RHOF: variants seen among roughly 807,000 people sequenced by gnomAD.
RHOF encodes rho-related GTP-binding protein RhoF.
A neutral mutation model predicts 22.2 loss-of-function variants in RHOF; 21 were observed. The ratio of observed to expected loss-of-function variants is 0.95; its 90% CI spans 0.67 to 1.36. RHOF has a LOEUF of 1.36. RHOF is among the 40% of genes most tolerant of loss of function. The pLI is 0.00. For synonymous variants in RHOF, 135 were observed against 131.2 expected (o/e 1.03, Z -0.20); for missense variants, 285 against 293.7 (o/e 0.97, Z 0.22).
In RHOF at chr12:121,779,476, C is replaced by T. The variant is rs749658309; in HGVS notation, c.*22G>A. ...GGCCCCCGGGCCCTGTCAGTGCTGTCGTGAGGTCTGTCTGCCCTGGGTCAG... is the reference window on the plus strand; with the variant it reads ...GGCCCCCGGGCCCTGTCAGTGCTGTTGTGAGGTCTGTCTGCCCTGGGTCAG... On this transcript the variant is annotated 3_prime_UTR_variant, in exon 5 of 5. Coordinates refer to ENST00000267205, the MANE Select transcript of RHOF (RefSeq NM_019034.3). 27 of 1,608,304 alleles carry T rather than the reference C, an allele frequency of 1.7e-5. No individual in the cohort carries two copies. The highest frequency in any genetic ancestry group is 8.0e-5 in the African/African-American group (6 of 74,928).
chr12:121,786,246 GC>G (rs1165608476), intron 2 of RHOF, among the ~76,000 whole-genome samples: 1 of 151,826 alleles, frequency 6.6e-6, no homozygotes, highest in East Asian at 1.9e-4. Context: ...AGTAGAGACG[GC>G]GTTTCACCAT....
At chr12:121,779,800 G>T in intron 4 of RHOF, 138 bp from the exon 5 acceptor site, 1 of 877,904 alleles carries the variant, frequency 1.1e-6, no homozygotes, top group Non-Finnish European at 1.7e-6. Flanking sequence ...CCTCCATCCT[G>T]GCTGCCCCTC....
intron 2 of RHOF, among the ~76,000 whole-genome samples, chr12:121,786,314 C>T (rs574106152): frequency 3.9e-4 from 59 of 152,266 alleles, no homozygotes; most frequent in African/African-American, 1.3e-3. Context: ...CCTCGGCCTC[C>T]CAAAGTGCTG....
chr12:121,792,492 G>T (rs1476424167), intron 2 of RHOF, among the ~76,000 whole-genome samples: 2 of 152,238 alleles, frequency 1.3e-5, no homozygotes, highest in African/African-American at 2.4e-5. Flanking sequence ...TGGGGCCCCT[G>T]CCCCCAGTGC....
intron 1 of RHOF, 111 bp downstream of exon 1, chr12:121,793,385 G>A: frequency 4.8e-6 from 7 of 1,464,014 alleles, no homozygotes; most frequent in Non-Finnish European, 6.5e-6. Context: ...GGGCGCCCCG[G>A]GGTGGCGGCC....
rs1874410191 is a variant in RHOF, at chr12:121,780,503, A to G, written c.471+369T>C. The G allele has an allele frequency of 7.8e-6, 3 of 384,390 alleles. No individual in the cohort carries two copies. The South Asian group carries it at 2.4e-4, about 31-fold the overall frequency. 23.8% of individuals were successfully genotyped at this position (384,390 alleles called of 1,614,324 possible). A position where few individuals can be genotyped will look rare whatever the true frequency, so the allele number is the denominator to read the frequency against. Reference sequence around the variant, plus strand: ...GGGGACGCCTACTTTCAAACAAGGCAGACAGGACACGACAGGACGGCGGCT... The same window carrying G: ...GGGGACGCCTACTTTCAAACAAGGCGGACAGGACACGACAGGACGGCGGCT... On this transcript the variant is annotated intron_variant, in intron 4 of 4. Coordinates refer to ENST00000267205, the MANE Select transcript of RHOF (RefSeq NM_019034.3).
intron 2 of RHOF, among the ~76,000 whole-genome samples, chr12:121,786,811 T>C (rs1057249969): frequency 1.3e-5 from 2 of 151,942 alleles, no homozygotes; most frequent in South Asian, 4.2e-4. Flanking sequence ...CTGAGGCAGG[T>C]GGATCACTTG....
At chr12:121,784,367 A>G (rs1282081181) in intron 2 of RHOF, among the ~76,000 whole-genome samples, 1 of 151,694 alleles carries the variant, frequency 6.6e-6, no homozygotes, top group Non-Finnish European at 1.5e-5. Context: ...CAAGATGGTG[A>G]GACCCCGTCT....
At chr12:121,779,938 T>G in intron 4 of RHOF, 1 of 336,802 alleles carries the variant, frequency 3.0e-6, no homozygotes, top group East Asian at 4.1e-5. Context: ...AGACCCGGGG[T>G]TGGTTCCCCC....
chr12:121,781,292 C>T lies in RHOF; in HGVS notation c.227-100G>A, dbSNP rs1014658700. ...CCAGGCAAGTGACCCTGCCTTAGGG[C>T]CTCAATTTCCTCATCTATACAATGG... On this transcript the variant is annotated intron_variant, in intron 2 of 4. Coordinates refer to ENST00000267205, the MANE Select transcript of RHOF (RefSeq NM_019034.3). 10 of 956,446 alleles carry T rather than the reference C, an allele frequency of 1.0e-5. No individual in the cohort carries two copies. In the South Asian group the frequency reaches 1.4e-4, roughly 13 times the overall value. 59.2% of individuals were successfully genotyped at this position (956,446 alleles called of 1,614,324 possible).
At chr12:121,792,103 G>C (rs547137376) in intron 2 of RHOF, among the ~76,000 whole-genome samples, 1 of 132,190 alleles carries the variant, frequency 7.6e-6, no homozygotes, top group Non-Finnish European at 1.5e-5. Context: ...CGGAATGGAG[G>C]GGGGCTCTGA....
Position 121,793,553 on chromosome 12 carries a change from G to A in RHOF, c.81C>T (p.Asp27=), listed in dbSNP as rs1472901136. The part of the protein sequence containing the change: ...RKELKIVIVG[D]GGCGKTSLLM... ...GCAGCGAGGTCTTGCCGCAGCCGCC[G>A]TCGCCCACGATCACGATCTTCAGCT... Residue 27 remains aspartate, a synonymous_variant, in exon 1 of 5, where the codon GAC becomes GAT. Coordinates refer to ENST00000267205, the MANE Select transcript of RHOF (RefSeq NM_019034.3). 1 of 1,548,964 alleles carries A rather than the reference G, an allele frequency of 6.5e-7. No individual in the cohort carries two copies.
chr12:121,781,388 T>A, intron 2 of RHOF, 196 bp from the exon 3 acceptor site: 1 of 562,684 alleles, frequency 1.8e-6, no homozygotes, highest in Non-Finnish European at 3.2e-6. Context: ...GGAGGATCGC[T>A]TGAGCCCAGG....
Position 121,779,639 on chromosome 12 carries a change from G to C in RHOF, c.495C>G (p.Ile165Met). 6.2e-7 allele frequency: 1 copy of C among 1,614,084 alleles called. No individual in the cohort carries two copies. The highest frequency in any genetic ancestry group is 1.7e-5 in the Admixed American group (1 of 60,038). Residue 165 changes from isoleucine (I) to methionine (M), a missense_variant, in exon 5 of 5, where the codon ATC (isoleucine) becomes ATG (methionine). Transcript: ENST00000267205. ...AACATTCCAGGTAGAGAGCAGCTCG[G>C]ATCTGTTCGCAGGCGCTCAGGCCCT... ...YMQGLSACEQIRAALYLECSA... is the reference protein window; with the variant it reads ...YMQGLSACEQMRAALYLECSA...
intron 2 of RHOF, among the ~76,000 whole-genome samples, chr12:121,784,556 AAAAG>A (rs1592957153): frequency 6.6e-6 from 1 of 151,924 alleles, no homozygotes; most frequent in Non-Finnish European, 1.5e-5. Context: ...AAAAAAAAAA[AAAAG>A]AAAAAAAAAT....
At chr12:121,783,908 T>C (rs564669552) in intron 2 of RHOF, among the ~76,000 whole-genome samples, 16 of 152,242 alleles carry the variant, frequency 1.1e-4, no homozygotes, top group Admixed American at 3.3e-4. Flanking sequence ...CTGGCCCCTA[T>C]TGCCCTTTGC....
chr12:121,786,925 C>A lies in RHOF; in HGVS notation c.227-5733G>T, dbSNP rs186120675. Among the ~76,000 whole-genome samples, 22 of 152,260 alleles carry A rather than the reference C, an allele frequency of 1.4e-4. No homozygotes were observed. The East Asian group carries it at 4.0e-3, about 28-fold the overall frequency. ...TGGGGCCAGGCACGTGTAGTCCCAGCTACTTGGGAGGCTGAGGCTGGAGAA... is the reference window on the plus strand; with the variant it reads ...TGGGGCCAGGCACGTGTAGTCCCAGATACTTGGGAGGCTGAGGCTGGAGAA... On this transcript the variant is annotated intron_variant, in intron 2 of 4. Transcript: ENST00000267205.
chr12:121,793,359 T>C, intron 1 of RHOF, 120 bp from the exon 2 acceptor site: 1 of 1,430,286 alleles, frequency 7.0e-7, no homozygotes, highest in African/African-American at 1.4e-5. Flanking sequence ...CCCGCTGGGC[T>C]CTGGAATTCC....
Position 121,793,203 on chromosome 12 carries a change from TG to T in RHOF, c.174del (p.Ser59AlafsTer2). ...YAPSVFEKYT[A>X]SVTVGSKEVT... ...ACCTCCTTGCTGCCAACGGTCACGCTGGCCGTGTACTTCTCGAACACCGATG... is the reference window on the plus strand; with the variant it reads ...ACCTCCTTGCTGCCAACGGTCACGCTGCCGTGTACTTCTCGAACACCGATG... On this transcript the variant is annotated frameshift_variant, in exon 2 of 5. Transcript: ENST00000267205. LOFTEE classifies it high-confidence loss of function. The T allele has an allele frequency of 6.4e-7, 1 of 1,550,898 alleles. No homozygotes were observed. Among genetic ancestry groups the T allele is most frequent in the Non-Finnish European group, 8.7e-7 (1 of 1,146,852 alleles).
Sources: gnomAD v4.1 joint callset for allele counts (sites outside exome capture counted in the v4.1 genomes callset) on GRCh38, gnomAD v4.1.1 for gene constraint, MANE v1.5 for transcripts, NCBI Gene and HGNC (gene_info 2026-07-23, HGNC 2026-07-21) for gene names.